Variants in ZFPM2 observed in about 807,000 individuals in gnomAD.
The protein encoded by ZFPM2 is zinc finger protein, FOG family member 2, also known as zinc finger protein ZFPM2.
In ZFPM2, 20 loss-of-function variants were observed where a neutral mutation model predicts 98.6. The observed-to-expected ratio is 0.20, with a 90% CI of 0.14 to 0.29. ZFPM2 has a LOEUF of 0.29. Among genes scored for constraint, ZFPM2 ranks in the 10% least tolerant of loss-of-function variants. ZFPM2 has a pLI of 1.00. For missense variants in ZFPM2, 1,310 were observed against 1,388.6 expected (o/e 0.94, Z 0.90); for synonymous variants, 518 against 502.7 (o/e 1.03, Z -0.41).
At chr8:105,775,608 G>T (rs1354244548) in intron 5 of ZFPM2, among the ~76,000 whole-genome samples, 1 of 152,106 alleles carries the variant, frequency 6.6e-6, no homozygotes, top group African/African-American at 2.4e-5. Flanking sequence ...TACAAGCAGA[G>T]TCTTAAGCAG....
Position 105,784,112 on chromosome 8 carries a change from G to A in ZFPM2, c.533-4606G>A, listed in dbSNP as rs535214336. ...TTTCTATTAAACATAAGGTCAAAGGGTACAAGATACCAACATAGCTAAATA... is the reference window on the plus strand; with the variant it reads ...TTTCTATTAAACATAAGGTCAAAGGATACAAGATACCAACATAGCTAAATA... On this transcript the variant is annotated intron_variant, in intron 5 of 7. Transcript: ENST00000407775. 5.9e-5 allele frequency among the ~76,000 whole-genome samples: 9 copies of A among 151,974 alleles called. No homozygotes were observed. The East Asian group carries it at 1.7e-3, about 29-fold the overall frequency.
At position 105,745,584 on chromosome 8, in the gene ZFPM2, T is replaced by A. The variant is rs1280545584; in HGVS notation, c.533-43134T>A. Among the ~76,000 whole-genome samples the A allele has an allele frequency of 7.2e-5, 11 of 152,266 alleles. No individual in the cohort carries two copies. The East Asian group carries it at 2.1e-3, about 29-fold the overall frequency. Reference sequence around the variant, plus strand: ...CCCAGAATTTGTCATTTGTTAGGAATATTTTAGCTTGCTTCACTTTTGAGA... The same window carrying A: ...CCCAGAATTTGTCATTTGTTAGGAAAATTTTAGCTTGCTTCACTTTTGAGA... On this transcript the variant is annotated intron_variant, in intron 5 of 7. Coordinates refer to ENST00000407775, the MANE Select transcript of ZFPM2 (RefSeq NM_012082.4).
intron 3 of ZFPM2, among the ~76,000 whole-genome samples, chr8:105,554,899 C>A (rs953644820): frequency 2.6e-5 from 4 of 151,952 alleles, no homozygotes; most frequent in African/African-American, 9.7e-5. Flanking sequence ...AAAGAGGCAT[C>A]AAAAAGACCA....
intron 5 of ZFPM2, among the ~76,000 whole-genome samples, chr8:105,688,609 T>C (rs1460285550): frequency 3.9e-5 from 6 of 152,140 alleles, no homozygotes; most frequent in Non-Finnish European, 8.8e-5. Flanking sequence ...TTCATAGATT[T>C]TTTTGTTGAA....
At chr8:105,579,374 A>C (rs1346347936) in intron 4 of ZFPM2, among the ~76,000 whole-genome samples, 1 of 152,202 alleles carries the variant, frequency 6.6e-6, no homozygotes, top group Non-Finnish European at 1.5e-5. Flanking sequence ...TCAGATCTCC[A>C]AATTTCTTCC....
intron 3 of ZFPM2, among the ~76,000 whole-genome samples, chr8:105,509,775 G>C (rs992949358): frequency 2.0e-5 from 3 of 152,040 alleles, no homozygotes; most frequent in African/African-American, 7.2e-5. Flanking sequence ...TGAAGTAGTA[G>C]TTATGATCTG....
At chr8:105,767,724 T>C (rs1812886566) in intron 5 of ZFPM2, among the ~76,000 whole-genome samples, 1 of 151,864 alleles carries the variant, frequency 6.6e-6, no homozygotes, top group Non-Finnish European at 1.5e-5. Flanking sequence ...AATTTTTGGC[T>C]GCCAGATGAG....
chr8:105,745,447 A>G (rs1812321497), intron 5 of ZFPM2, among the ~76,000 whole-genome samples: 1 of 152,140 alleles, frequency 6.6e-6, no homozygotes, highest in Admixed American at 6.5e-5. Context: ...TGAAAAAATT[A>G]AAGCAAAACA....
chr8:105,420,880 ACC>A (rs1811778151), intron 2 of ZFPM2, among the ~76,000 whole-genome samples: 3 of 152,098 alleles, frequency 2.0e-5, no homozygotes, highest in African/African-American at 7.2e-5. Flanking sequence ...ATGGATTTAT[ACC>A]TTTTGTCAAT....
Position 105,803,311 on chromosome 8 carries a change from T to A in ZFPM2, c.3229T>A (p.Ser1077Thr). Residue 1077 changes from serine (S) to threonine (T), a missense_variant, in exon 8 of 8, where the codon TCG becomes ACG. Physicochemically the swap from Ser to Thr is moderately conservative, Grantham distance 58. Coordinates refer to ENST00000407775, the MANE Select transcript of ZFPM2 (RefSeq NM_012082.4). ...PQHEDDHKSP[S>T]WISENPLAAN... Reference sequence around the variant, plus strand: ...GCACGAAGACGACCACAAATCTCCCTCGTGGATCTCTGAGAACCCATTAGC... The same window carrying A: ...GCACGAAGACGACCACAAATCTCCCACGTGGATCTCTGAGAACCCATTAGC... 1 of 1,597,316 alleles carries A rather than the reference T, an allele frequency of 6.3e-7. No individual in the cohort carries two copies. The highest frequency in any genetic ancestry group is 8.5e-7 in the Non-Finnish European group (1 of 1,171,184).
rs1811684277 is a variant in ZFPM2, at chr8:105,416,611, A to G, written c.41-2533A>G. ...AAACTCAGAGTATATATTCCAAAAG[A>G]AGTATATATTTCAAAAGAAGTATAT... On this transcript the variant is annotated intron_variant, in intron 1 of 7. Transcript: ENST00000407775. Among the ~76,000 whole-genome samples, 3 of 151,964 alleles carry G rather than the reference A, an allele frequency of 2.0e-5. No individual in the cohort carries two copies. In the South Asian group the frequency reaches 6.2e-4, roughly 31 times the overall value.
At chr8:105,343,064 A>G (rs1159365025) in intron 1 of ZFPM2, among the ~76,000 whole-genome samples, 1 of 152,114 alleles carries the variant, frequency 6.6e-6, no homozygotes, top group Non-Finnish European at 1.5e-5. Flanking sequence ...ACATGAATTA[A>G]CAAGATCAGG....
intron 4 of ZFPM2, among the ~76,000 whole-genome samples, chr8:105,599,297 A>G (rs1174065547): frequency 6.6e-6 from 1 of 151,650 alleles, no homozygotes; most frequent in Admixed American, 6.6e-5. Context: ...ATTTTAGTTA[A>G]CAAGTGCTGG....
chr8:105,425,915 A>G (rs565634845), intron 2 of ZFPM2, among the ~76,000 whole-genome samples: 1 of 152,280 alleles, frequency 6.6e-6, no homozygotes, highest in East Asian at 1.9e-4. Context: ...ATTTGATCCC[A>G]TGTCAAACAT....
At chr8:105,751,836 A>T (rs1046372363) in intron 5 of ZFPM2, among the ~76,000 whole-genome samples, 12 of 151,738 alleles carry the variant, frequency 7.9e-5, no homozygotes, top group African/African-American at 2.4e-4. Context: ...TGTCTTAGTT[A>T]TATTTTGAAG....
intron 3 of ZFPM2, among the ~76,000 whole-genome samples, chr8:105,485,611 A>G (rs1170806180): frequency 6.6e-6 from 1 of 152,192 alleles, no homozygotes; most frequent in Non-Finnish European, 1.5e-5. Flanking sequence ...TTTTGGCAAA[A>G]GATGATGAGG....
intron 5 of ZFPM2, among the ~76,000 whole-genome samples, chr8:105,657,544 G>A (rs924908052): frequency 1.6e-4 from 24 of 152,120 alleles, no homozygotes; most frequent in African/African-American, 4.6e-4. Context: ...TTGGAAAAAT[G>A]CATGAGCTCA....
At chr8:105,652,914 A>G (rs966226236) in intron 5 of ZFPM2, among the ~76,000 whole-genome samples, 10 of 152,206 alleles carry the variant, frequency 6.6e-5, no homozygotes, top group Admixed American at 3.9e-4. Context: ...TAAAATAGCA[A>G]TAAGTCTTCA....
chr8:105,623,507 A>G (rs1816596123), intron 4 of ZFPM2, among the ~76,000 whole-genome samples: 1 of 152,230 alleles, frequency 6.6e-6, no homozygotes, highest in South Asian at 2.1e-4. Flanking sequence ...TTACTATATT[A>G]ATATCGGGAT....
Sources: allele counts gnomAD v4.1 joint callset (sites outside exome capture counted in the v4.1 genomes callset), GRCh38; gene constraint gnomAD v4.1.1; transcripts MANE v1.5; gene names NCBI Gene and HGNC (gene_info 2026-07-23, HGNC 2026-07-21).